The following NEK10 variants were observed in gnomAD, a reference collection of about 807,000 sequenced individuals.
NEK10 encodes serine/threonine-protein kinase Nek10.
Under a neutral mutation model 159.8 loss-of-function variants are expected in NEK10, and 122 were observed. The observed-to-expected ratio is 0.76, with a 90% CI of 0.66 to 0.89. The LOEUF is 0.89. NEK10 is among the 40% of genes least tolerant of loss of function. NEK10 has a pLI of 0.00. For missense variants in NEK10, 1,342 were observed against 1,323.1 expected (o/e 1.01, Z -0.22); for synonymous variants, 466 against 457.1 (o/e 1.02, Z -0.25).
At chr3:27,330,275 T>C (rs886664829) in intron 5 of NEK10, among the ~76,000 whole-genome samples, 24 of 152,174 alleles carry the variant, frequency 1.6e-4, no homozygotes, top group African/African-American at 5.8e-4. Context: ...GAAATCATCA[T>C]TTGCTTGAGG....
chr3:27,256,302 T>A lies in NEK10; in HGVS notation c.2084A>T (p.Tyr695Phe). ...KLTSVVGTIL[Y>F]SCPEVLKSEP... ...ATAAAAGAATTGTCCTTACCAAGAA[T>A]ACAGGATTGTTCCAACCACAGAGGT... The change falls in exon 23 of 36, where the codon TAT becomes TTT. Residue 695 changes from tyrosine (Y) to phenylalanine (F), a missense_variant. Tyr to Phe is a conservative substitution (Grantham distance 22). Transcript: ENST00000691995. 6.6e-7 allele frequency: 1 copy of A among 1,509,820 alleles called. No individual in the cohort carries two copies. Among genetic ancestry groups the A allele is most frequent in the Non-Finnish European group, 8.9e-7 (1 of 1,122,758 alleles). 93.5% of individuals were successfully genotyped at this position (1,509,820 alleles called of 1,614,324 possible).
rs556750660 is a variant in NEK10, at chr3:27,152,421, TC to T, written c.2869+10279del. On this transcript the variant is annotated intron_variant, in intron 30 of 35. Transcript: ENST00000691995. ...CATCATATATGAAGGAAAGATACAA[TC>T]TTTTTCAGACAAACAAATGCTAAGA... Among the ~76,000 whole-genome samples the T allele has an allele frequency of 2.2e-3, 329 of 152,238 alleles. 1 individual carries two copies. Among genetic ancestry groups the T allele is most frequent in the African/African-American group, 7.7e-3 (318 of 41,530 alleles).
chr3:27,206,148 T>G (rs1950521819), intron 23 of NEK10, among the ~76,000 whole-genome samples: 1 of 152,220 alleles, frequency 6.6e-6, no homozygotes, highest in East Asian at 1.9e-4. Flanking sequence ...GATTTCAGTA[T>G]AAGAATTTTA....
chr3:27,150,629 C>T (rs1944736693), intron 30 of NEK10, among the ~76,000 whole-genome samples: 2 of 152,290 alleles, frequency 1.3e-5, no homozygotes, highest in South Asian at 2.1e-4. Context: ...AATACTTGGT[C>T]ACCTAAGAGC....
intron 23 of NEK10, among the ~76,000 whole-genome samples, chr3:27,246,691 C>A (rs185742455): frequency 6.6e-6 from 1 of 152,182 alleles, no homozygotes; most frequent in East Asian, 1.9e-4. Context: ...ATCCCCCCAA[C>A]CCCTGCCCAC....
intron 23 of NEK10, among the ~76,000 whole-genome samples, chr3:27,229,147 C>T (rs935887865): frequency 6.6e-6 from 1 of 152,158 alleles, no homozygotes; most frequent in Admixed American, 6.5e-5. Flanking sequence ...GATATCCCTG[C>T]CATTCCAACC....
chr3:27,186,360 A>T (rs767748921), intron 26 of NEK10, among the ~76,000 whole-genome samples: 2 of 152,224 alleles, frequency 1.3e-5, no homozygotes, highest in Non-Finnish European at 2.9e-5. Context: ...CTGGAGAAAA[A>T]GAAGGATATA....
At chr3:27,162,555 G>A (rs1322668315) in intron 30 of NEK10, 146 bp downstream of exon 30, 4 of 1,614,034 alleles carry the variant, frequency 2.5e-6, no homozygotes, top group African/African-American at 2.7e-5. Flanking sequence ...TGTGGGCCCT[G>A]AGCATGTGGG....
At chr3:27,359,386 C>T (rs989774312) in intron 1 of NEK10, among the ~76,000 whole-genome samples, 2 of 152,112 alleles carry the variant, frequency 1.3e-5, no homozygotes, top group African/African-American at 4.8e-5. Context: ...CAAGAAGTCT[C>T]TGTTTCTTCT....
intron 23 of NEK10, chr3:27,206,679 G>A (rs1376105912): frequency 1.0e-6 from 1 of 960,944 alleles, no homozygotes; most frequent in Admixed American, 6.2e-5. Context: ...TGCGCACAGA[G>A]ATGAAGGCTC....
At chr3:27,270,667 G>A (rs540982477) in intron 22 of NEK10, among the ~76,000 whole-genome samples, 1 of 152,130 alleles carries the variant, frequency 6.6e-6, no homozygotes, top group South Asian at 2.1e-4. Context: ...CTCTCCTCAT[G>A]AAATATAATT....
intron 23 of NEK10, among the ~76,000 whole-genome samples, chr3:27,249,538 T>C (rs1955437367): frequency 1.3e-5 from 2 of 152,198 alleles, no homozygotes; most frequent in Admixed American, 1.3e-4. Flanking sequence ...TAAGTATAGC[T>C]ACTTCTGCTC....
At position 27,174,641 on chromosome 3, in the gene NEK10, T is replaced by C. The variant is rs753952713; in HGVS notation, c.2689+9A>G. 5 of 1,607,518 alleles carry C rather than the reference T, an allele frequency of 3.1e-6. No homozygotes were observed. Among genetic ancestry groups the C allele is most frequent in the Non-Finnish European group, 4.2e-6 (5 of 1,177,062 alleles). ...AGTACCTACGTTGACACACTGCCAC[T>C]AGCAGTACCTTTCTCAGCATTTTCC... On this transcript the variant is annotated intron_variant, in intron 27 of 35. Coordinates refer to ENST00000691995, the MANE Select transcript of NEK10 (RefSeq NM_001394966.1).
intron 32 of NEK10, among the ~76,000 whole-genome samples, chr3:27,129,887 A>AC (rs1335754612): frequency 3.3e-5 from 5 of 151,344 alleles, no homozygotes; most frequent in African/African-American, 1.2e-4. Context: ...AAATTAAGAA[A>AC]GGTTTTTTTT....
At chr3:27,199,301 C>A (rs137956000) in intron 25 of NEK10, among the ~76,000 whole-genome samples, 85 of 152,192 alleles carry the variant, frequency 5.6e-4, no homozygotes, top group African/African-American at 1.9e-3. Flanking sequence ...GGGCAAAGAA[C>A]ATGAACAGAC....
chr3:27,282,747 TTA>T (rs947363981), intron 22 of NEK10, among the ~76,000 whole-genome samples: 4 of 144,708 alleles, frequency 2.8e-5, no homozygotes, highest in South Asian at 2.2e-4. Context: ...CATAACTGTG[TTA>T]TATATATATA....
At chr3:27,312,477 A>C (rs1421977612) in intron 7 of NEK10, among the ~76,000 whole-genome samples, 2 of 152,228 alleles carry the variant, frequency 1.3e-5, no homozygotes, top group Non-Finnish European at 2.9e-5. Context: ...TTTAGTATCC[A>C]AATACAAGAT....
intron 23 of NEK10, among the ~76,000 whole-genome samples, chr3:27,204,686 C>T (rs76976977): frequency 0.1 from 11,364 of 110,098 alleles, 302 homozygotes; most frequent in Middle Eastern, 0.21. Flanking sequence ...ATATGTGCCA[C>T]ATTTTCTTAA....
intron 23 of NEK10, chr3:27,206,490 C>T (rs1950556902): frequency 2.9e-6 from 2 of 680,886 alleles, no homozygotes; most frequent in Admixed American, 6.3e-5. Flanking sequence ...AAAATGGTTC[C>T]TTCCTCCCTC....
Sources: allele counts gnomAD v4.1 joint callset (sites outside exome capture counted in the v4.1 genomes callset), GRCh38; gene constraint gnomAD v4.1.1; transcripts MANE v1.5; gene names NCBI Gene and HGNC (gene_info 2026-07-23, HGNC 2026-07-21).